Variants in SCLT1 observed in about 807,000 individuals in gnomAD.
SCLT1 encodes sodium channel and clathrin linker 1, also known as sodium channel-associated protein 1.
SCLT1 carries 78 observed loss-of-function variants against 112.8 expected under a neutral mutation model. The ratio of observed to expected loss-of-function variants is 0.69; its 90% CI spans 0.58 to 0.83. The LOEUF (loss-of-function observed/expected upper bound fraction) is 0.83, where lower values mean the gene tolerates loss of function less well. SCLT1 is among the 40% of genes least tolerant of loss of function. The pLI, the probability that SCLT1 is intolerant of heterozygous loss-of-function variation, is 0.00. For synonymous variants in SCLT1, 257 were observed against 254.7 expected (o/e 1.01, Z -0.09); for missense variants, 747 against 770.4 (o/e 0.97, Z 0.36).
chr4:129,085,047 G>T (rs1447495933), intron 1 of SCLT1, among the ~76,000 whole-genome samples: 1 of 152,134 alleles, frequency 6.6e-6, no homozygotes, highest in Non-Finnish European at 1.5e-5. Context: ...AGGAGCTTTG[G>T]CACAGCAAAG....
chr4:129,028,874 A>C (rs562115945), intron 5 of SCLT1, among the ~76,000 whole-genome samples: 36 of 152,334 alleles, frequency 2.4e-4, no homozygotes, highest in South Asian at 2.3e-3. Flanking sequence ...AAGGACATGA[A>C]CAGACATTTC....
At chr4:129,081,878 C>T (rs1751972389) in intron 2 of SCLT1, among the ~76,000 whole-genome samples, 1 of 152,092 alleles carries the variant, frequency 6.6e-6, no homozygotes, top group Non-Finnish European at 1.5e-5. Flanking sequence ...ATAATTATAC[C>T]TTTCTGGCTA....
At chr4:128,978,432 A>AAAAAC (rs1023632581) in intron 9 of SCLT1, among the ~76,000 whole-genome samples, 10 of 151,936 alleles carry the variant, frequency 6.6e-5, no homozygotes, top group Non-Finnish European at 1.0e-4. Context: ...AAAAGAAGCA[A>AAAAAC]AAAACAAAAC....
intron 2 of SCLT1, among the ~76,000 whole-genome samples, chr4:129,075,824 G>C (rs1219254759): frequency 1.3e-5 from 2 of 152,122 alleles, no homozygotes; most frequent in Non-Finnish European, 2.9e-5. Context: ...GTTAACTCAT[G>C]AGCAACAGGA....
At chr4:128,898,127 T>C (rs1733940679) in intron 18 of SCLT1, among the ~76,000 whole-genome samples, 1 of 151,960 alleles carries the variant, frequency 6.6e-6, no homozygotes, top group Non-Finnish European at 1.5e-5. Context: ...GACAGAAAGT[T>C]AACAAGGATA....
intron 14 of SCLT1, among the ~76,000 whole-genome samples, chr4:128,951,911 A>G (rs1170020950): frequency 6.6e-6 from 1 of 152,206 alleles, no homozygotes; most frequent in Non-Finnish European, 1.5e-5. Context: ...CAAAGTTTGT[A>G]GAATGGCGAA....
In SCLT1 at chr4:128,884,290, T is replaced by C; in HGVS notation, c.*187A>G. 2.1e-6 allele frequency: 1 copy of C among 482,522 alleles called. No homozygotes were observed. 29.9% of individuals were successfully genotyped at this position (482,522 alleles called of 1,614,324 possible). A position where few individuals can be genotyped will look rare whatever the true frequency, so the allele number is the denominator to read the frequency against. ...TCCACTGAAGCTCAATATAGGATTA[T>C]ATTTTCTTTACTTACAGGAAGTGGT... On this transcript the variant is annotated 3_prime_UTR_variant, in exon 21 of 21. Coordinates refer to ENST00000281142, the MANE Select transcript of SCLT1 (RefSeq NM_144643.4).
chr4:128,936,432 A>G (rs982056012), intron 18 of SCLT1, among the ~76,000 whole-genome samples: 1 of 152,216 alleles, frequency 6.6e-6, no homozygotes, highest in African/African-American at 2.4e-5. Context: ...TATCCAACAA[A>G]AACTATTACA....
At chr4:128,924,501 C>A (rs1011026408) in intron 18 of SCLT1, among the ~76,000 whole-genome samples, 2 of 152,002 alleles carry the variant, frequency 1.3e-5, no homozygotes, top group Non-Finnish European at 2.9e-5. Context: ...GAACTCCTAG[C>A]CTCAAGCTGA....
At chr4:129,031,047 G>A (rs745815430) in intron 5 of SCLT1, among the ~76,000 whole-genome samples, 4 of 151,870 alleles carry the variant, frequency 2.6e-5, no homozygotes, top group South Asian at 4.2e-4. Flanking sequence ...GATGAACATC[G>A]ATGCAAAAAT....
chr4:129,001,758 T>C (rs1258652166), intron 6 of SCLT1, among the ~76,000 whole-genome samples: 2 of 152,060 alleles, frequency 1.3e-5, no homozygotes, highest in African/African-American at 4.8e-5. Context: ...AAGCAACATA[T>C]ATACACTACA....
chr4:129,052,445 A>G (rs1042059890), intron 2 of SCLT1, among the ~76,000 whole-genome samples: 1 of 151,830 alleles, frequency 6.6e-6, no homozygotes, highest in African/African-American at 2.4e-5. Context: ...TTCCTGGATT[A>G]TTCTTGGGAG....
intron 5 of SCLT1, among the ~76,000 whole-genome samples, chr4:129,024,698 A>C (rs1479429599): frequency 6.6e-6 from 1 of 152,244 alleles, no homozygotes; most frequent in East Asian, 1.9e-4. Flanking sequence ...AGCTGGACAG[A>C]GAATGACTTT....
chr4:128,905,384 T>G (rs1450302924), intron 18 of SCLT1, among the ~76,000 whole-genome samples: 1 of 152,182 alleles, frequency 6.6e-6, no homozygotes, highest in Non-Finnish European at 1.5e-5. Context: ...CCAAAACTAC[T>G]GTAAAACTCT....
At chr4:128,891,424 T>A (rs1033479409) in intron 18 of SCLT1, among the ~76,000 whole-genome samples, 6 of 152,118 alleles carry the variant, frequency 3.9e-5, no homozygotes, top group African/African-American at 1.4e-4. Flanking sequence ...TTATCATAAT[T>A]TAAAAAATTT....
intron 1 of SCLT1, among the ~76,000 whole-genome samples, chr4:129,084,520 A>T (rs1008839326): frequency 2.6e-5 from 4 of 152,118 alleles, no homozygotes; most frequent in Admixed American, 1.3e-4. Flanking sequence ...TCTGGAAAAA[A>T]CTTTAAAATT....
chr4:128,943,214 A>T, intron 16 of SCLT1, 26 bp from the exon 17 acceptor site: 1 of 1,498,362 alleles, frequency 6.7e-7, no homozygotes, highest in South Asian at 1.2e-5. Flanking sequence ...AATGAAAAGA[A>T]TCCTTAAACT....
intron 18 of SCLT1, among the ~76,000 whole-genome samples, chr4:128,908,956 T>C (rs1479120196): frequency 2.6e-5 from 4 of 152,222 alleles, no homozygotes; most frequent in African/African-American, 9.6e-5. Flanking sequence ...GATTTCAGTT[T>C]GTTTGCTGTG....
chr4:128,989,435 A>G (rs1742372977), intron 9 of SCLT1, among the ~76,000 whole-genome samples: 1 of 151,886 alleles, frequency 6.6e-6, no homozygotes, highest in African/African-American at 2.4e-5. Flanking sequence ...AAATAAAAAT[A>G]GAAACACAAT....
Sources: gnomAD v4.1 joint callset for allele counts (sites outside exome capture counted in the v4.1 genomes callset) on GRCh38, gnomAD v4.1.1 for gene constraint, MANE v1.5 for transcripts, NCBI Gene and HGNC (gene_info 2026-07-23, HGNC 2026-07-21) for gene names.